BICRAL: variants seen among roughly 807,000 people sequenced by gnomAD.
The protein encoded by BICRAL is BICRA like chromatin remodeling complex associated protein.
In BICRAL, 8 loss-of-function variants were observed where a neutral mutation model predicts 91.8. The observed-to-expected ratio is 0.09, with a 90% confidence interval of 0.05 to 0.16. The LOEUF (loss-of-function observed/expected upper bound fraction) is 0.16. Ranked by LOEUF, BICRAL falls within the 10% of genes least tolerant of loss-of-function variation. BICRAL has a pLI of 1.00. For synonymous variants in BICRAL, 445 were observed against 491.1 expected (o/e 0.91, Z 1.24); for missense variants, 1,038 against 1,310.9 (o/e 0.79, Z 3.21).
intron 7 of BICRAL, chr6:42,852,413 G>C (rs1052165368): frequency 1.5e-6 from 1 of 650,692 alleles, no homozygotes; most frequent in Non-Finnish European, 2.8e-6. Flanking sequence ...TGTAATGCCA[G>C]CACTTTGGGA....
chr6:42,790,330 A>ATTTTT (rs70990136), intron 1 of BICRAL, among the ~76,000 whole-genome samples: 213 of 87,798 alleles, frequency 2.4e-3, no homozygotes, highest in Non-Finnish European at 3.0e-3. Context: ...AGATAATTTA[A>ATTTTT]TTTTTTTTTT....
At chr6:42,762,944 C>A (rs1169506278) in intron 1 of BICRAL, among the ~76,000 whole-genome samples, 2 of 151,426 alleles carry the variant, frequency 1.3e-5, no homozygotes, top group African/African-American at 4.9e-5. Flanking sequence ...AAAAAAAAAT[C>A]TATTGAATGA....
intron 1 of BICRAL, among the ~76,000 whole-genome samples, chr6:42,764,951 G>A (rs1358393313): frequency 1.3e-5 from 2 of 152,108 alleles, no homozygotes; most frequent in South Asian, 2.1e-4. Context: ...GAGCGACCAC[G>A]CCCGGCCTAG....
At chr6:42,757,456 G>T (rs1762479626) in intron 1 of BICRAL, among the ~76,000 whole-genome samples, 1 of 152,134 alleles carries the variant, frequency 6.6e-6, no homozygotes, top group Admixed American at 6.6e-5. Context: ...GTTTCACCCT[G>T]TTAGCCAGGA....
intron 1 of BICRAL, among the ~76,000 whole-genome samples, chr6:42,768,610 A>C (rs1389181297): frequency 6.6e-6 from 1 of 152,206 alleles, no homozygotes; most frequent in African/African-American, 2.4e-5. Flanking sequence ...CAAAGCTAGA[A>C]AGCCAGCCAG....
At chr6:42,771,161 C>T (rs1036932365) in intron 1 of BICRAL, among the ~76,000 whole-genome samples, 2 of 152,188 alleles carry the variant, frequency 1.3e-5, no homozygotes, top group African/African-American at 4.8e-5. Context: ...AAATTAGCAT[C>T]ACACAAATGA....
At chr6:42,760,978 C>T (rs1762534517) in intron 1 of BICRAL, among the ~76,000 whole-genome samples, 2 of 147,088 alleles carry the variant, frequency 1.4e-5, no homozygotes, top group Admixed American at 6.7e-5. Flanking sequence ...GCCGAGATCA[C>T]GCCACTGCAT....
chr6:42,778,980 G>A (rs1014711006), upstream of BICRAL, among the ~76,000 whole-genome samples: 8 of 151,876 alleles, frequency 5.3e-5, no homozygotes, highest in African/African-American at 1.9e-4. Context: ...ACCACGCCTG[G>A]CTAATTTTTT....
At chr6:42,797,957 C>G (rs1232536023) in intron 1 of BICRAL, among the ~76,000 whole-genome samples, 1 of 152,044 alleles carries the variant, frequency 6.6e-6, no homozygotes, top group East Asian at 1.9e-4. Flanking sequence ...GCCTTGGTGA[C>G]AAAGTGAGAC....
At chr6:42,802,858 G>A (rs895895831) in intron 1 of BICRAL, among the ~76,000 whole-genome samples, 1 of 152,130 alleles carries the variant, frequency 6.6e-6, no homozygotes, top group Admixed American at 6.6e-5. Context: ...TGAGATTACA[G>A]GTGTGAGCCA....
chr6:42,780,957 G>T (rs1312410191), upstream of BICRAL, among the ~76,000 whole-genome samples: 1 of 151,942 alleles, frequency 6.6e-6, no homozygotes, highest in Non-Finnish European at 1.5e-5. Context: ...GACTGGTCTC[G>T]AACTGCTGAC....
At chr6:42,816,870 T>C (rs13204655) in intron 2 of BICRAL, among the ~76,000 whole-genome samples, 69,884 of 151,088 alleles carry the variant, frequency 0.46, 17,443 homozygotes, top group African/African-American at 0.66. Context: ...AAAAATTAGC[T>C]GGGCGTGGTG....
At chr6:42,779,261 C>T (rs1762849447), upstream of BICRAL, among the ~76,000 whole-genome samples, 1 of 148,598 alleles carries the variant, frequency 6.7e-6, no homozygotes, top group South Asian at 2.1e-4. Flanking sequence ...CACACACACA[C>T]ACACACACAC....
intron 1 of BICRAL, among the ~76,000 whole-genome samples, chr6:42,755,762 T>C (rs1279294127): frequency 6.6e-6 from 1 of 151,420 alleles, no homozygotes; most frequent in Non-Finnish European, 1.5e-5. Context: ...CTCCGCCTCC[T>C]GGGTTCAAGC....
At chr6:42,751,533 G>A (rs1762380614) in intron 1 of BICRAL, among the ~76,000 whole-genome samples, 1 of 152,142 alleles carries the variant, frequency 6.6e-6, no homozygotes, top group Non-Finnish European at 1.5e-5. Context: ...ACAGTCTTTA[G>A]GTATGGTAAA....
At chr6:42,760,661 C>T (rs988563325) in intron 1 of BICRAL, among the ~76,000 whole-genome samples, 5 of 152,120 alleles carry the variant, frequency 3.3e-5, no homozygotes, top group African/African-American at 7.2e-5. Flanking sequence ...TCATCTCAGC[C>T]TCCCAGAGAG....
chr6:42,843,203 C>T (rs562939858), intron 6 of BICRAL, among the ~76,000 whole-genome samples: 8 of 151,976 alleles, frequency 5.3e-5, no homozygotes, highest in African/African-American at 1.5e-4. Flanking sequence ...GTGCGGGCTC[C>T]GAAAAGGAGC....
At chr6:42,759,896 G>A (rs576278530) in intron 1 of BICRAL, among the ~76,000 whole-genome samples, 16 of 152,144 alleles carry the variant, frequency 1.1e-4, no homozygotes, top group Admixed American at 7.9e-4. Flanking sequence ...ATTCCATGCT[G>A]TGTCCCTCAC....
At chr6:42,831,446 A>G (rs1357562865) in intron 6 of BICRAL, among the ~76,000 whole-genome samples, 1 of 152,214 alleles carries the variant, frequency 6.6e-6, no homozygotes, top group Non-Finnish European at 1.5e-5. Context: ...TGTTATGCAG[A>G]TTAATTACTG....
Sources: gnomAD v4.1 joint callset for allele counts (sites outside exome capture counted in the v4.1 genomes callset) on GRCh38, gnomAD v4.1.1 for gene constraint, MANE v1.5 for transcripts, NCBI Gene and HGNC (gene_info 2026-07-23, HGNC 2026-07-21) for gene names.